TAS2R1: variants seen among roughly 807,000 people sequenced by gnomAD.
TAS2R1 encodes taste receptor type 2 member 1.
For synonymous variants in TAS2R1, 141 were observed against 134.2 expected, an observed-to-expected ratio of 1.05 and a Z score of -0.35; for missense variants, 370 against 353.4, an observed-to-expected ratio of 1.05 and a Z score of -0.38.
Position 9,629,487 on chromosome 5 carries a change from C to A in TAS2R1, c.546G>T (p.Glu182Asp). 5.6e-6 allele frequency: 9 copies of A among 1,614,188 alleles called. No individual in the cohort carries two copies. Among genetic ancestry groups the A allele is most frequent in the Non-Finnish European group, 7.6e-6 (9 of 1,180,038 alleles). ...LAIQIFSFVA[E>D]FSVPLLIFLF... ...GGAAGATAAGCAATGGCACTGAGAA[C>A]TCAGCAACAAAAGAGAAAATCTGTA... The change falls in exon 1 of 1, where the codon GAG (glutamate) becomes GAT (aspartate). Residue 182 changes from glutamate to aspartate, a missense_variant. Glu to Asp is a conservative substitution (Grantham distance 45). Transcript: ENST00000382492.
the TAS2R1 span, among the ~76,000 whole-genome samples, chr5:9,827,068 T>C: frequency 3.9e-5 from 6 of 152,172 alleles, no homozygotes; most frequent in Non-Finnish European, 7.3e-5. Context: ...GAAATCTATA[T>C]GCAACTGCTG....
At chr5:9,721,991 A>G in the TAS2R1 span, among the ~76,000 whole-genome samples, 1 of 152,212 alleles carries the variant, frequency 6.6e-6, no homozygotes, top group Non-Finnish European at 1.5e-5. Flanking sequence ...CCAGACCAGT[A>G]ACTTAACTTG....
chr5:9,675,950 T>G (rs1277204055), intron 1 of TAS2R1, among the ~76,000 whole-genome samples: 1 of 152,186 alleles, frequency 6.6e-6, no homozygotes, highest in African/African-American at 2.4e-5. Flanking sequence ...GAAGAAAAGC[T>G]TCTAGTTTTT....
chr5:9,638,964 C>A (rs1171458396), intron 2 of TAS2R1, among the ~76,000 whole-genome samples: 1 of 152,178 alleles, frequency 6.6e-6, no homozygotes, highest in East Asian at 1.9e-4. Flanking sequence ...TGGTCTCACT[C>A]CAGCAGTGCC....
At chr5:9,797,513 A>G in the TAS2R1 span, among the ~76,000 whole-genome samples, 1 of 152,220 alleles carries the variant, frequency 6.6e-6, no homozygotes, top group Non-Finnish European at 1.5e-5. Flanking sequence ...ATGAATTAAC[A>G]GCAAAAAATT....
At chr5:9,729,332 G>T in the TAS2R1 span, among the ~76,000 whole-genome samples, 1 of 151,976 alleles carries the variant, frequency 6.6e-6, no homozygotes, top group Non-Finnish European at 1.5e-5. Context: ...TCCTGGGTCA[G>T]GCTGGTGGGC....
At chr5:9,868,243 C>T in the TAS2R1 span, among the ~76,000 whole-genome samples, 141 of 152,236 alleles carry the variant, frequency 9.3e-4, no homozygotes, top group Non-Finnish European at 1.6e-3. Context: ...ATTTCCCTTC[C>T]ACACTGCTCT....
At chr5:9,763,631 G>A in the TAS2R1 span, among the ~76,000 whole-genome samples, 2 of 152,222 alleles carry the variant, frequency 1.3e-5, no homozygotes, top group African/African-American at 2.4e-5. Flanking sequence ...AACCAGATGT[G>A]CAGCAACATC....
chr5:9,661,471 T>A (rs1254370702), intron 1 of TAS2R1, among the ~76,000 whole-genome samples: 1 of 152,162 alleles, frequency 6.6e-6, no homozygotes, highest in Admixed American at 6.5e-5. Flanking sequence ...TGGCACCGAC[T>A]GAAAAAATGT....
chr5:9,804,254 C>T, the TAS2R1 span, among the ~76,000 whole-genome samples: 1 of 152,042 alleles, frequency 6.6e-6, no homozygotes, highest in South Asian at 2.1e-4. Context: ...AATTACCCTG[C>T]TAGACCTAAG....
chr5:9,763,230 C>G, the TAS2R1 span, among the ~76,000 whole-genome samples: 3 of 152,278 alleles, frequency 2.0e-5, no homozygotes, highest in Admixed American at 6.5e-5. Flanking sequence ...TATGGCCAGG[C>G]ACGGTGGCTC....
intron 2 of TAS2R1, among the ~76,000 whole-genome samples, chr5:9,647,286 G>A (rs1354264840): frequency 6.6e-6 from 1 of 152,120 alleles, no homozygotes; most frequent in African/African-American, 2.4e-5. Flanking sequence ...CAGATGTCTT[G>A]CATTCTAGAA....
chr5:9,688,116 G>A (rs757155143), intron 1 of TAS2R1, among the ~76,000 whole-genome samples: 11 of 152,138 alleles, frequency 7.2e-5, no homozygotes, highest in Non-Finnish European at 1.6e-4. Flanking sequence ...ATGTCCTAAC[G>A]CATATGACAT....
chr5:9,821,874 A>C, the TAS2R1 span, among the ~76,000 whole-genome samples: 88 of 152,234 alleles, frequency 5.8e-4, no homozygotes, highest in African/African-American at 2.1e-3. Flanking sequence ...GGGGAAAGAT[A>C]TTAAAATCAC....
the TAS2R1 span, among the ~76,000 whole-genome samples, chr5:9,808,321 C>T: frequency 2.6e-5 from 4 of 152,092 alleles, no homozygotes; most frequent in Non-Finnish European, 4.4e-5. Flanking sequence ...ACTTGACTAA[C>T]GTGTTCATAA....
the TAS2R1 span, among the ~76,000 whole-genome samples, chr5:9,831,952 G>A: frequency 3.9e-5 from 6 of 152,082 alleles, 1 homozygote; most frequent in South Asian, 4.1e-4. Flanking sequence ...TGACAATTTC[G>A]CAATGGAAAA....
At chr5:9,664,920 T>G (rs1368193951) in intron 1 of TAS2R1, among the ~76,000 whole-genome samples, 1 of 152,238 alleles carries the variant, frequency 6.6e-6, no homozygotes, top group East Asian at 1.9e-4. Flanking sequence ...AACTTGGCAG[T>G]GTTCAGGAAC....
intron 1 of TAS2R1, among the ~76,000 whole-genome samples, chr5:9,675,830 G>A (rs1740864537): frequency 6.6e-6 from 1 of 152,082 alleles, no homozygotes; most frequent in African/African-American, 2.4e-5. Flanking sequence ...TCCTTCTAGA[G>A]GTGTATGACT....
chr5:9,843,170 T>C, the TAS2R1 span, among the ~76,000 whole-genome samples: 4 of 152,140 alleles, frequency 2.6e-5, no homozygotes, highest in African/African-American at 9.7e-5. Flanking sequence ...TTGGCTCACC[T>C]CTCTATAATT....
Sources: gnomAD v4.1 joint callset for allele counts (sites outside exome capture counted in the v4.1 genomes callset) on GRCh38, gnomAD v4.1.1 for gene constraint, MANE v1.5 for transcripts, NCBI Gene and HGNC (gene_info 2026-07-23, HGNC 2026-07-21) for gene names.